The following GGA1 variants were observed in gnomAD, a reference collection of about 807,000 sequenced individuals.
GGA1 encodes ADP-ribosylation factor-binding protein GGA1.
A neutral mutation model predicts 76.9 loss-of-function variants in GGA1; 18 were observed. The ratio of observed to expected loss-of-function variants is 0.23; its 90% confidence interval spans 0.16 to 0.35. The LOEUF (loss-of-function observed/expected upper bound fraction) is 0.35, where lower values mean the gene tolerates loss of function less well. Ranked by LOEUF, GGA1 falls within the 10% of genes least tolerant of loss-of-function variation. GGA1 has a pLI of 1.00. For missense variants in GGA1, 755 were observed against 859.0 expected (o/e 0.88, Z 1.51); for synonymous variants, 342 against 354.7 (o/e 0.96, Z 0.40).
Position 37,624,803 on chromosome 22 carries a change from G to A in GGA1, c.833-166G>A. 1 of 889,656 alleles carries A rather than the reference G, an allele frequency of 1.1e-6. No homozygotes were observed. The highest frequency in any genetic ancestry group is 1.6e-5 in the South Asian group (1 of 61,198). 55.1% of individuals were successfully genotyped at this position (889,656 alleles called of 1,614,324 possible). A position where few individuals can be genotyped will look rare whatever the true frequency, so the allele number is the denominator to read the frequency against. On this transcript the variant is annotated intron_variant, in intron 9 of 16. Coordinates refer to ENST00000343632, the MANE Select transcript of GGA1 (RefSeq NM_013365.5). This position sits in a 1 kb window ranked among gnomAD's most constrained non-coding sequence, Gnocchi z 4.3. ...GAGGGAAGGGTGGGAGGTGAGACCA[G>A]GGAGGTGGCGGAGGGCCAGAGTCTC...
At chr22:37,616,208 G>T (rs1313512234) in intron 2 of GGA1, among the ~76,000 whole-genome samples, 1 of 152,198 alleles carries the variant, frequency 6.6e-6, no homozygotes, top group East Asian at 1.9e-4. Flanking sequence ...ACAGCGGTGT[G>T]TGTGCTTTGG....
chr22:37,609,878 G>A (rs186997313), intron 1 of GGA1, among the ~76,000 whole-genome samples: 1 of 152,336 alleles, frequency 6.6e-6, no homozygotes, highest in Admixed American at 6.5e-5. Context: ...GTCTAGCGTG[G>A]TTTGGGGTCA....
intron 1 of GGA1, chr22:37,609,256 G>T: frequency 2.6e-6 from 3 of 1,160,572 alleles, no homozygotes; most frequent in Non-Finnish European, 1.1e-6. Flanking sequence ...GCACGCGAGC[G>T]GTTCCCCGGG....
chr22:37,616,333 C>T (rs763790215), intron 2 of GGA1, among the ~76,000 whole-genome samples: 1 of 152,102 alleles, frequency 6.6e-6, no homozygotes, highest in African/African-American at 2.4e-5. Flanking sequence ...CACGGTGAGG[C>T]GGGAATGACC....
Position 37,632,878 on chromosome 22 carries a change from CT to C in GGA1, c.*168del. The C allele has an allele frequency of 1.7e-6, 1 of 600,372 alleles. No homozygotes were observed. Among genetic ancestry groups the C allele is most frequent in the African/African-American group, 1.8e-5 (1 of 54,192 alleles). 37.2% of individuals were successfully genotyped at this position (600,372 alleles called of 1,614,324 possible). On this transcript the variant is annotated 3_prime_UTR_variant, in exon 17 of 17. Coordinates refer to ENST00000343632, the MANE Select transcript of GGA1 (RefSeq NM_013365.5). This position sits in a 1 kb window ranked among gnomAD's most constrained non-coding sequence, Gnocchi z 5.1. ...CCTCAAGTGACTCTTCCCCCTCCTG[CT>C]CCGGCCCCGCCCCTGCTGAGCCAAA...
intron 3 of GGA1, 23 bp from the exon 4 acceptor site, chr22:37,618,425 T>A: frequency 6.7e-7 from 1 of 1,484,302 alleles, no homozygotes; most frequent in Non-Finnish European, 9.4e-7. Flanking sequence ...GGGCGTCCCC[T>A]CCCATCCCCC....
intron 4 of GGA1, 155 bp from the exon 5 acceptor site, chr22:37,620,083 G>T (rs1929597404): frequency 2.6e-6 from 2 of 755,262 alleles, no homozygotes; most frequent in African/African-American, 3.5e-5. Flanking sequence ...GGTGAACTCA[G>T]TCTACCCCAG....
At position 37,633,065 on chromosome 22, in the gene GGA1, G is replaced by C; in HGVS notation, c.*354G>C. ...TCAGGCCCAGCCCCAACCCCAGCTG[G>C]GGTGGGGTCTTCCCCACCTGTCTCT... is the stretch of plus-strand genomic sequence containing the variant. On this transcript the variant is annotated 3_prime_UTR_variant, in exon 17 of 17. Coordinates refer to ENST00000343632, the MANE Select transcript of GGA1 (RefSeq NM_013365.5). 4.1e-6 allele frequency: 1 copy of C among 243,948 alleles called. No individual in the cohort carries two copies. The highest frequency in any genetic ancestry group is 6.9e-5 in the South Asian group (1 of 14,482). The allele number at this position is 243,948 out of a possible 1,614,324, so 15.1% of individuals were successfully genotyped here. A position where few individuals can be genotyped will look rare whatever the true frequency, so the allele number is the denominator to read the frequency against.
At chr22:37,611,770 G>A (rs930646936) in intron 1 of GGA1, among the ~76,000 whole-genome samples, 8 of 152,222 alleles carry the variant, frequency 5.3e-5, no homozygotes, top group African/African-American at 1.9e-4. Context: ...GGGAAGGGGT[G>A]GTCCTTAGAG....
rs368542362 is a variant in GGA1, at chr22:37,623,280, C to T, written c.610-47C>T. On this transcript the variant is annotated intron_variant, in intron 7 of 16. Transcript: ENST00000343632. This position sits in a 1 kb window ranked among gnomAD's most constrained non-coding sequence, Gnocchi z 4.6. Reference sequence around the variant, plus strand: ...TCTCAAGTGGCAGGGGGCAGTGCCTCGTCCAGGCCAAAGGTTCTCAGGGGC... The same window carrying T: ...TCTCAAGTGGCAGGGGGCAGTGCCTTGTCCAGGCCAAAGGTTCTCAGGGGC... The T allele has an allele frequency of 3.5e-4, 562 of 1,589,082 alleles. No individual in the cohort carries two copies. Among genetic ancestry groups the T allele is most frequent in the Non-Finnish European group, 4.6e-4 (534 of 1,157,892 alleles).
intron 4 of GGA1, 129 bp from the exon 5 acceptor site, chr22:37,620,109 C>T: frequency 1.0e-6 from 1 of 984,464 alleles, no homozygotes; most frequent in Non-Finnish European, 1.6e-6. Context: ...TTGGGCGGGG[C>T]TATGAGGACC....
chr22:37,609,193 C>T (rs987330568), intron 1 of GGA1: 51 of 1,355,872 alleles, frequency 3.8e-5, no homozygotes, highest in Admixed American at 9.7e-5. Flanking sequence ...GAGAGAGCAG[C>T]CTCCAACCCC....
intron 12 of GGA1, 43 bp from the exon 13 acceptor site, chr22:37,629,955 C>T: frequency 7.3e-7 from 1 of 1,365,722 alleles, no homozygotes; most frequent in Non-Finnish European, 1.0e-6. Flanking sequence ...ATGCTGACAC[C>T]TCTCTAGACA....
chr22:37,614,980 AAAAAC>A (rs1159229157), intron 2 of GGA1, among the ~76,000 whole-genome samples: 15 of 152,164 alleles, frequency 9.9e-5, no homozygotes, highest in Non-Finnish European at 1.5e-5. Flanking sequence ...CTCTGTCTCG[AAAAAC>A]AAAACAAAGA....
At chr22:37,626,049 T>C in intron 11 of GGA1, 100 bp downstream of exon 11, 1 of 898,334 alleles carries the variant, frequency 1.1e-6, no homozygotes, top group Non-Finnish European at 1.6e-6. Context: ...ACCCCAGGTG[T>C]GGATCCTGTG....
chr22:37,610,776 C>A (rs921478390), intron 1 of GGA1: 1 of 152,318 alleles, frequency 6.6e-6, no homozygotes, highest in Non-Finnish European at 1.5e-5. Context: ...CCCTCCCTCT[C>A]TAGGTGTTCT....
intron 1 of GGA1, 69 bp from the exon 2 acceptor site, chr22:37,614,121 C>A: frequency 9.4e-7 from 1 of 1,061,610 alleles, no homozygotes; most frequent in Non-Finnish European, 1.5e-6. Context: ...CACACCTTTG[C>A]CAGGGTCAGG....
rs112813775 is a variant in GGA1, at chr22:37,625,839, C to T, written c.983C>T (p.Pro328Leu). 14 of 1,610,838 alleles carry T rather than the reference C, an allele frequency of 8.7e-6. No homozygotes were observed. Among genetic ancestry groups the T allele is most frequent in the Admixed American group, 1.7e-5 (1 of 59,868 alleles). The change falls in exon 11 of 17, where the codon CCG becomes CTG. Residue 328 changes from proline to leucine, a missense_variant. By Grantham distance (98) the Pro-to-Leu change is moderately conservative. Transcript: ENST00000343632. This position sits in a 1 kb window ranked among gnomAD's most constrained non-coding sequence, Gnocchi z 4.1. ...ALLDLSGLDL[P>L]PAGTTYPAMP... is the part of the protein sequence containing the mutation. ...CTGGATCTCTCAGGCCTGGATCTCC[C>T]GCCTGCGGGCACCACCTACCCAGCT...
rs762033466 is a variant in GGA1, at chr22:37,628,128, CTT to C, written c.1094-1330_1094-1329del. The stretch of plus-strand genomic sequence containing the variant: ...CAGGCATGAGCCACTGCGCCCACCT[CTT>C]TTTGGTTTTGAGATGGGGGTCTCAC... On this transcript the variant is annotated intron_variant, in intron 11 of 16. Coordinates refer to ENST00000343632, the MANE Select transcript of GGA1 (RefSeq NM_013365.5). Among the ~76,000 whole-genome samples the C allele has an allele frequency of 1.8e-3, 275 of 152,342 alleles. 3 individuals carry two copies. Among genetic ancestry groups the C allele is most frequent in the Non-Finnish European group, 3.8e-4 (26 of 68,022 alleles).
Sources: gnomAD v4.1 joint callset for allele counts (sites outside exome capture counted in the v4.1 genomes callset) on GRCh38, gnomAD v4.1.1 for gene constraint, Gnocchi (gnomAD v3.1) non-coding constraint, MANE v1.5 for transcripts, NCBI Gene and HGNC (gene_info 2026-07-23, HGNC 2026-07-21) for gene names.